Variants in PDXDC1 observed in about 807,000 individuals in gnomAD.
PDXDC1 encodes pyridoxal dependent decarboxylase domain containing 1.
PDXDC1 carries 42 observed loss-of-function variants against 100.1 expected under a neutral mutation model. The ratio of observed to expected loss-of-function variants is 0.42; its 90% CI spans 0.33 to 0.54. The LOEUF (loss-of-function observed/expected upper bound fraction) is 0.54. Among genes scored for constraint, PDXDC1 ranks in the 20% least tolerant of loss-of-function variants. The pLI is 0.10. For synonymous variants in PDXDC1, 260 were observed against 371.7 expected (o/e 0.70, Z 3.46); for missense variants, 636 against 979.2 (o/e 0.65, Z 4.68).
At chr16:14,985,294 T>C (rs1183305191) in intron 1 of PDXDC1, among the ~76,000 whole-genome samples, 1 of 150,914 alleles carries the variant, frequency 6.6e-6, no homozygotes, top group East Asian at 2.0e-4. Context: ...TTTTTTTTTT[T>C]TTTTTTTTTT....
chr16:15,029,406 G>A (rs2042884873), intron 15 of PDXDC1: 1 of 419,068 alleles, frequency 2.4e-6, no homozygotes, highest in Non-Finnish European at 4.1e-6. Context: ...TGAACAGTGT[G>A]GGATGGCGGC....
chr16:15,117,531 A>T (rs934379610), intron 16 of PDXDC1, among the ~76,000 whole-genome samples: 7 of 151,608 alleles, frequency 4.6e-5, no homozygotes, highest in Admixed American at 2.6e-4. Flanking sequence ...GTGGTCTACT[A>T]AAAATACACA....
At chr16:15,136,254 C>T in intron 16 of PDXDC1, 1 of 623,586 alleles carries the variant, frequency 1.6e-6, no homozygotes, top group Non-Finnish European at 2.8e-6. Context: ...AGGCTCAGAG[C>T]CTGGAGAGCA....
chr16:14,995,377 G>C (rs1191329670), intron 1 of PDXDC1, among the ~76,000 whole-genome samples: 2 of 152,276 alleles, frequency 1.3e-5, no homozygotes, highest in Non-Finnish European at 2.9e-5. Flanking sequence ...GTCAAAGGCC[G>C]TTCTGCATGT....
In PDXDC1 at chr16:15,050,498, TGAG is replaced by T. The variant is rs370468975; in HGVS notation, c.1399+20447_1399+20449del. 4.5e-4 allele frequency among the ~76,000 whole-genome samples: 68 copies of T among 152,274 alleles called. No homozygotes were observed. The East Asian group carries it at 0.013, about 29-fold the overall frequency. On this transcript the variant is annotated intron_variant, in intron 16 of 16. Transcript: ENST00000535621. ...CTGTAATTCCAGCACTTTGGGAGGC[TGAG>T]GAGGGAGGACTGCTTGAGCCTAAGA... is the stretch of plus-strand genomic sequence containing the variant.
chr16:15,135,394 G>C (rs2048301618), intron 16 of PDXDC1: 1 of 1,498,340 alleles, frequency 6.7e-7, no homozygotes, highest in South Asian at 1.2e-5. Context: ...TGCTCCCGCG[G>C]GGCCCAAAGT....
chr16:15,036,636 C>G lies in PDXDC1; in HGVS notation c.*361C>G, dbSNP rs781074734. 7.4e-6 allele frequency: 2 copies of G among 268,936 alleles called. No homozygotes were observed. The highest frequency in any genetic ancestry group is 1.4e-5 in the Non-Finnish European group (2 of 141,090). The allele number at this position is 268,936 out of a possible 1,614,324, so 16.7% of individuals were successfully genotyped here. A position where few individuals can be genotyped will look rare whatever the true frequency, so the allele number is the denominator to read the frequency against. ...CCGTGGCAACTTTTTGGTAAAACAG[C>G]TTTTCATTAGCACTCTCCAGGTTCT... On this transcript the variant is annotated 3_prime_UTR_variant, in exon 23 of 23. Coordinates refer to ENST00000396410, the MANE Select transcript of PDXDC1 (RefSeq NM_015027.4).
intron 8 of PDXDC1, among the ~76,000 whole-genome samples, chr16:15,011,234 C>T (rs924457346): frequency 6.6e-6 from 1 of 152,296 alleles, no homozygotes; most frequent in South Asian, 2.1e-4. Flanking sequence ...ATAGAGAATT[C>T]AGAAATAGAC....
chr16:15,070,328 C>T lies in PDXDC1; in HGVS notation c.1399+40272C>T, dbSNP rs2045169758. 4.0e-6 allele frequency: 6 copies of T among 1,501,598 alleles called. No individual in the cohort carries two copies. In the African/African-American group the frequency reaches 8.6e-5, roughly 21 times the overall value. 93.0% of individuals were successfully genotyped at this position (1,501,598 alleles called of 1,614,324 possible). A position where few individuals can be genotyped will look rare whatever the true frequency, so the allele number is the denominator to read the frequency against. Reference sequence around the variant, plus strand: ...AGAATAACATAAAAACACACAACTGCCTTTCATTACAAACCATGCTAAGTA... The same window carrying T: ...AGAATAACATAAAAACACACAACTGTCTTTCATTACAAACCATGCTAAGTA... On this transcript the variant is annotated intron_variant, in intron 16 of 16. Transcript: ENST00000535621.
chr16:15,143,100 C>T (rs2048500196), downstream of PDXDC1, among the ~76,000 whole-genome samples: 1 of 152,168 alleles, frequency 6.6e-6, no homozygotes, highest in Non-Finnish European at 1.5e-5. Flanking sequence ...CCATGGGGGG[C>T]AGGACGGTGC....
intron 16 of PDXDC1, chr16:15,123,624 C>G: frequency 1.7e-6 from 1 of 584,918 alleles, no homozygotes; most frequent in Non-Finnish European, 3.0e-6. Context: ...GGTACATTTA[C>G]AAAAATTAAC....
chr16:15,074,419 T>C (rs989669723), intron 16 of PDXDC1, among the ~76,000 whole-genome samples: 2 of 152,280 alleles, frequency 1.3e-5, no homozygotes, highest in Non-Finnish European at 2.9e-5. Flanking sequence ...CCCTACATCA[T>C]TCTTCAGTGC....
At chr16:15,046,352 A>G (rs539111248) in intron 16 of PDXDC1, among the ~76,000 whole-genome samples, 1 of 152,326 alleles carries the variant, frequency 6.6e-6, no homozygotes, top group East Asian at 1.9e-4. Flanking sequence ...AAATGAGAGC[A>G]ACACCTGCCA....
At chr16:15,124,758 C>G (rs1480374827) in intron 16 of PDXDC1, among the ~76,000 whole-genome samples, 1 of 150,424 alleles carries the variant, frequency 6.6e-6, no homozygotes, top group Non-Finnish European at 1.5e-5. Context: ...GGCGACAGAG[C>G]GAGACTCTGT....
intron 16 of PDXDC1, chr16:15,047,410 CA>C (rs1402554154): frequency 1.4e-6 from 2 of 1,386,926 alleles, no homozygotes; most frequent in Admixed American, 3.3e-5. Flanking sequence ...TCCAAGATCT[CA>C]ATTCACCTAT....
intron 16 of PDXDC1, chr16:15,135,981 C>A (rs2048330109): frequency 1.9e-5 from 29 of 1,564,664 alleles, no homozygotes; most frequent in Non-Finnish European, 2.4e-5. Context: ...GGCTGGTGGG[C>A]CCGAGCCAGA....
At chr16:15,147,975 G>A in the PDXDC1 span, among the ~76,000 whole-genome samples, 1 of 151,798 alleles carries the variant, frequency 6.6e-6, no homozygotes, top group Non-Finnish European at 1.5e-5. Flanking sequence ...GTGAACCACC[G>A]CGCCCACCCT....
At chr16:15,100,312 C>T in intron 16 of PDXDC1, among the ~76,000 whole-genome samples, 1 of 152,178 alleles carries the variant, frequency 6.6e-6, no homozygotes, top group Non-Finnish European at 1.5e-5. Context: ...ATAAAAACTA[C>T]ATTCATTAAC....
chr16:15,010,725 A>T (rs1276254222), intron 8 of PDXDC1, among the ~76,000 whole-genome samples: 1 of 152,416 alleles, frequency 6.6e-6, no homozygotes, highest in Non-Finnish European at 1.5e-5. Flanking sequence ...ATGATTGTAT[A>T]GATAGAAAAC....
Sources: allele counts gnomAD v4.1 joint callset (sites outside exome capture counted in the v4.1 genomes callset), GRCh38; gene constraint gnomAD v4.1.1; transcripts MANE v1.5; gene names NCBI Gene and HGNC (gene_info 2026-07-23, HGNC 2026-07-21).